The following VWA5B1 variants were observed in gnomAD, a reference collection of about 807,000 sequenced individuals.
VWA5B1 encodes von Willebrand factor A domain containing 5B1.
Under a neutral mutation model 118.2 loss-of-function variants are expected in VWA5B1, and 115 were observed. The observed-to-expected ratio is 0.97, with a 90% CI of 0.84 to 1.14. The LOEUF (loss-of-function observed/expected upper bound fraction) is 1.14. VWA5B1 is among the 50% of genes most tolerant of loss of function. The pLI is 0.00. For missense variants in VWA5B1, 1,596 were observed against 1,603.8 expected, an observed-to-expected ratio of 1.00 and a Z score of 0.08; for synonymous variants, 682 against 658.4, an observed-to-expected ratio of 1.04 and a Z score of -0.55.
In VWA5B1 at chr1:20,350,229, A is replaced by C; in HGVS notation, c.2952A>C (p.Glu984Asp). The change falls in exon 19 of 22, where the codon GAA becomes GAC. Residue 984 changes from glutamate (E) to aspartate (D), a missense_variant and splice_region_variant. Glu to Asp is a conservative substitution (Grantham distance 45). Transcript: ENST00000289815. Reference protein sequence around the residue: ...SPGREKHGASEGPQRSLATNT... With the variant: ...SPGREKHGASDGPQRSLATNT... ...GCCGCGAGAAGCACGGTGCTTCTGA[A>C]GGTGAGTGGGCAGGTGGCGCTGCCT... The C allele has an allele frequency of 6.4e-7, 1 of 1,551,068 alleles. No homozygotes were observed. The highest frequency in any genetic ancestry group is 8.7e-7 in the Non-Finnish European group (1 of 1,146,970).
chr1:20,319,623 G>A (rs994226775), intron 7 of VWA5B1, 117 bp downstream of exon 7: 1 of 1,427,184 alleles, frequency 7.0e-7, no homozygotes, highest in African/African-American at 1.4e-5. Flanking sequence ...CCAGCAAGCT[G>A]GAGGCAGACA....
chr1:20,315,873 G>A (rs1234000428), intron 4 of VWA5B1, among the ~76,000 whole-genome samples: 4 of 152,232 alleles, frequency 2.6e-5, no homozygotes, highest in Non-Finnish European at 5.9e-5. Flanking sequence ...CCTGTGTGTT[G>A]TCTTTGTAAG....
At chr1:20,340,326 G>A (rs908099273) in intron 14 of VWA5B1, among the ~76,000 whole-genome samples, 8 of 152,172 alleles carry the variant, frequency 5.3e-5, no homozygotes, top group Non-Finnish European at 1.0e-4. Context: ...TAGTGTTGAC[G>A]GCTGGGGGAA....
intron 1 of VWA5B1, among the ~76,000 whole-genome samples, chr1:20,307,988 C>T (rs2088713352): frequency 6.6e-6 from 1 of 151,628 alleles, no homozygotes; most frequent in Non-Finnish European, 1.5e-5. Context: ...AGGTAGTTAG[C>T]ACAATACCCA....
intron 14 of VWA5B1, among the ~76,000 whole-genome samples, chr1:20,339,758 G>A (rs1408056262): frequency 6.6e-6 from 1 of 151,798 alleles, no homozygotes; most frequent in Non-Finnish European, 1.5e-5. Context: ...CCTTCTCTGT[G>A]CTTATTGAGG....
intron 12 of VWA5B1, among the ~76,000 whole-genome samples, chr1:20,333,206 A>G (rs567235551): frequency 1.3e-5 from 2 of 152,222 alleles, no homozygotes; most frequent in Non-Finnish European, 2.9e-5. Context: ...AACCACTTGA[A>G]GAACTTGTTT....
At chr1:20,338,141 C>T in intron 14 of VWA5B1, 1 of 529,964 alleles carries the variant, frequency 1.9e-6, no homozygotes, top group Non-Finnish European at 3.6e-6. Context: ...GTTTAGGGGC[C>T]CACCTTGGCT....
rs369674526 is a variant in VWA5B1 at position 20,313,052 on chromosome 1, G to C, written c.292+64G>C. 24 of 1,526,188 alleles carry C rather than the reference G, an allele frequency of 1.6e-5. No individual in the cohort carries two copies. In the African/African-American group the frequency reaches 3.3e-4, roughly 21 times the overall value. The allele number at this position is 1,526,188 out of a possible 1,614,324, so 94.5% of individuals were successfully genotyped here. A position where few individuals can be genotyped will look rare whatever the true frequency, so the allele number is the denominator to read the frequency against. ...GGCCAGCCAGAGGCTGCCTGGGCTG[G>C]AGCCTCAGGCCAACTGCAAGGATAG... On this transcript the variant is annotated intron_variant, in intron 3 of 21. Coordinates refer to ENST00000289815, the MANE Select transcript of VWA5B1 (RefSeq NM_001039500.3).
rs2090235012 is a variant in VWA5B1 at position 20,356,645 on chromosome 1, T to A, written c.*2382T>A. ...GTGGTGGGCATGCCACCCACTTCTC[T>A]AGGAAAGTTCCTCAGACTGCTCCCG... On this transcript the variant is annotated 3_prime_UTR_variant, in exon 22 of 22. Coordinates refer to ENST00000289815, the MANE Select transcript of VWA5B1 (RefSeq NM_001039500.3). 6.6e-6 allele frequency among the ~76,000 whole-genome samples: 1 copy of A among 152,192 alleles called. No homozygotes were observed. The highest frequency in any genetic ancestry group is 6.5e-5 in the Admixed American group (1 of 15,278).
chr1:20,308,537 C>T (rs1221419329), intron 1 of VWA5B1, among the ~76,000 whole-genome samples: 1 of 152,118 alleles, frequency 6.6e-6, no homozygotes, highest in African/African-American at 2.4e-5. Context: ...GAAATGAAGG[C>T]CGCCATCTTG....
At chr1:20,309,406 C>A (rs1368126825) in intron 1 of VWA5B1, among the ~76,000 whole-genome samples, 2 of 152,164 alleles carry the variant, frequency 1.3e-5, no homozygotes, top group South Asian at 2.1e-4. Flanking sequence ...CAGAGGGGAC[C>A]CAAGTTGACC....
intron 1 of VWA5B1, among the ~76,000 whole-genome samples, chr1:20,306,112 G>A (rs1227710869): frequency 6.6e-6 from 1 of 152,120 alleles, no homozygotes; most frequent in African/African-American, 2.4e-5. Flanking sequence ...ACATTGGAGA[G>A]ACATGCTATG....
intron 7 of VWA5B1, among the ~76,000 whole-genome samples, 160 bp downstream of exon 7, chr1:20,319,666 C>T (rs774404672): frequency 3.9e-5 from 6 of 152,190 alleles, no homozygotes; most frequent in East Asian, 1.9e-4. Flanking sequence ...TGTGGGCCCC[C>T]GGGCACTGCA....
intron 21 of VWA5B1, 67 bp downstream of exon 21, chr1:20,352,239 C>A: frequency 3.3e-6 from 4 of 1,201,366 alleles, no homozygotes; most frequent in South Asian, 1.4e-5. Flanking sequence ...TTCCTGTGAT[C>A]CCCCTGCCCA....
intron 16 of VWA5B1, among the ~76,000 whole-genome samples, chr1:20,344,591 A>G (rs891596048): frequency 9.2e-5 from 14 of 152,308 alleles, no homozygotes; most frequent in Non-Finnish European, 1.6e-4. Flanking sequence ...TATAACAGGG[A>G]CGGTGGGGGA....
intron 1 of VWA5B1, among the ~76,000 whole-genome samples, chr1:20,295,054 T>C (rs572835500): frequency 1.3e-5 from 2 of 152,142 alleles, no homozygotes; most frequent in South Asian, 4.2e-4. Context: ...CAAAGCTGGA[T>C]CCTAGGGGCC....
intron 5 of VWA5B1, 79 bp downstream of exon 5, chr1:20,317,754 G>GCCC: frequency 5.2e-5 from 25 of 483,620 alleles, no homozygotes; most frequent in Non-Finnish European, 8.8e-5. Flanking sequence ...ACGGGGGTGG[G>GCCC]AAGGAAAGCC....
At position 20,322,775 on chromosome 1, in the gene VWA5B1, A is replaced by G. The variant is rs751493432; in HGVS notation, c.967-581A>G. 6.2e-4 allele frequency among the ~76,000 whole-genome samples: 94 copies of G among 152,192 alleles called. 1 individual carries two copies. The highest frequency in any genetic ancestry group is 7.6e-4 in the Non-Finnish European group (52 of 68,036). On this transcript the variant is annotated intron_variant, in intron 7 of 21. Transcript: ENST00000289815. Reference sequence around the variant, plus strand: ...AACCCATGCAACGACTCAGTGAGGTATGTCTTCTTGTCCTCATTTAATGGA... The same window carrying G: ...AACCCATGCAACGACTCAGTGAGGTGTGTCTTCTTGTCCTCATTTAATGGA...
chr1:20,359,466 C>T lies in VWA5B1; in HGVS notation c.*5203C>T, dbSNP rs955450897. On this transcript the variant is annotated 3_prime_UTR_variant, in exon 22 of 22. Coordinates refer to ENST00000289815, the MANE Select transcript of VWA5B1 (RefSeq NM_001039500.3). ...TTCTCAAAGAAATGGCTTCTTTGTA[C>T]ATGGTGGCTACCATTATCTAGGCTT... 2.6e-5 allele frequency among the ~76,000 whole-genome samples: 4 copies of T among 152,202 alleles called. No individual in the cohort carries two copies. The highest frequency in any genetic ancestry group is 9.7e-5 in the African/African-American group (4 of 41,448).
Sources: gnomAD v4.1 joint callset for allele counts (sites outside exome capture counted in the v4.1 genomes callset) on GRCh38, gnomAD v4.1.1 for gene constraint, MANE v1.5 for transcripts, NCBI Gene and HGNC (gene_info 2026-07-23, HGNC 2026-07-21) for gene names.